ADCY2: variants seen among roughly 807,000 people sequenced by gnomAD.
ADCY2 encodes the protein adenylate cyclase type 2.
Under a neutral mutation model 125.2 loss-of-function variants are expected in ADCY2, and 31 were observed. The observed-to-expected ratio is 0.25, with a 90% CI of 0.19 to 0.33. ADCY2 has a LOEUF of 0.33. ADCY2 is among the 10% of genes least tolerant of loss of function. The pLI is 1.00. For synonymous variants in ADCY2, 512 were observed against 548.4 expected, an observed-to-expected ratio of 0.93 and a Z score of 0.93; for missense variants, 904 against 1,418.2, an observed-to-expected ratio of 0.64 and a Z score of 5.82.
intron 3 of ADCY2, among the ~76,000 whole-genome samples, chr5:7,579,604 T>G (rs1736362177): frequency 6.6e-6 from 1 of 152,204 alleles, no homozygotes; most frequent in African/African-American, 2.4e-5. Context: ...ATATGGAGTT[T>G]GACTCCTACT....
At chr5:7,646,355 C>G (rs977957792) in intron 4 of ADCY2, among the ~76,000 whole-genome samples, 1 of 150,794 alleles carries the variant, frequency 6.6e-6, no homozygotes, top group Non-Finnish European at 1.5e-5. Context: ...AGTACAAATA[C>G]ACATATTTAT....
intron 2 of ADCY2, among the ~76,000 whole-genome samples, chr5:7,446,603 A>G (rs1188018599): frequency 6.6e-6 from 1 of 152,150 alleles, no homozygotes; most frequent in Non-Finnish European, 1.5e-5. Context: ...TCTTTGGTAT[A>G]CAGAATAGAG....
At chr5:7,738,513 T>C (rs1393812449) in intron 14 of ADCY2, among the ~76,000 whole-genome samples, 2 of 151,758 alleles carry the variant, frequency 1.3e-5, no homozygotes, top group Non-Finnish European at 2.9e-5. Context: ...ACTATACAAA[T>C]AAAAGCAATG....
intron 2 of ADCY2, among the ~76,000 whole-genome samples, chr5:7,446,537 A>C (rs867236019): frequency 6.6e-4 from 99 of 150,838 alleles, no homozygotes; most frequent in African/African-American, 2.1e-3. Flanking sequence ...CTCTGAAATA[A>C]ATACATACAT....
intron 1 of ADCY2, among the ~76,000 whole-genome samples, chr5:7,411,804 G>A (rs953181918): frequency 1.3e-5 from 2 of 151,918 alleles, no homozygotes; most frequent in Admixed American, 6.6e-5. Flanking sequence ...GGCCGGGCGC[G>A]GTGGCTCACG....
chr5:7,761,801 T>C (rs1743226623), intron 16 of ADCY2, among the ~76,000 whole-genome samples: 1 of 152,224 alleles, frequency 6.6e-6, no homozygotes, highest in Non-Finnish European at 1.5e-5. Flanking sequence ...AGTCACTGTC[T>C]ATAAATGTTT....
At chr5:7,700,785 G>T (rs955027184) in intron 7 of ADCY2, among the ~76,000 whole-genome samples, 4 of 136,946 alleles carry the variant, frequency 2.9e-5, no homozygotes, top group African/African-American at 1.1e-4. Flanking sequence ...GGAGAGACCC[G>T]CATGTTCCAT....
chr5:7,809,999 A>G (rs1001180718), intron 22 of ADCY2, among the ~76,000 whole-genome samples: 1 of 152,214 alleles, frequency 6.6e-6, no homozygotes, highest in East Asian at 1.9e-4. Flanking sequence ...AGTGGTCGGT[A>G]GAAAATGAGA....
intron 12 of ADCY2, among the ~76,000 whole-genome samples, chr5:7,720,553 C>G (rs958411277): frequency 1.3e-5 from 2 of 151,872 alleles, no homozygotes; most frequent in African/African-American, 4.8e-5. Flanking sequence ...CCTCTCCCCC[C>G]ACCCCATGAC....
At chr5:7,780,836 A>G (rs1027993602) in intron 18 of ADCY2, among the ~76,000 whole-genome samples, 3 of 151,198 alleles carry the variant, frequency 2.0e-5, no homozygotes, top group Non-Finnish European at 4.5e-5. Flanking sequence ...CTGGTTCACT[A>G]AGCAATTCCT....
rs188292728 is a variant in ADCY2 at position 7,800,001 on chromosome 5, A to T, written c.2629-2217A>T. 5 of 152,370 alleles carry T rather than the reference A, an allele frequency of 3.3e-5. No homozygotes were observed. The East Asian group carries it at 9.7e-4, about 29-fold the overall frequency. 9.4% of individuals were successfully genotyped at this position (152,370 alleles called of 1,614,324 possible). On this transcript the variant is annotated intron_variant, in intron 20 of 24. Transcript: ENST00000338316. ...TGACAGGACCCGCAAGTGTCAGAGG[A>T]CCTGTGCTACCCCCAAACTGAGCAG...
chr5:7,828,014 AAAG>A lies in ADCY2; in HGVS notation c.*1148_*1150del, dbSNP rs1745543514. 6.5e-6 allele frequency: 1 copy of A among 152,822 alleles called. No homozygotes were observed. Among genetic ancestry groups the A allele is most frequent in the Non-Finnish European group, 1.5e-5 (1 of 68,048 alleles). 9.5% of individuals were successfully genotyped at this position (152,822 alleles called of 1,614,324 possible). ...ACTGCCTGTTAAGTCTGAGAAGGCTAAAGAAGACACACAGCCAACGTTCATGCA... is the reference window on the plus strand; with the variant it reads ...ACTGCCTGTTAAGTCTGAGAAGGCTAAAGACACACAGCCAACGTTCATGCA... On this transcript the variant is annotated 3_prime_UTR_variant, in exon 25 of 25. Transcript: ENST00000338316.
intron 2 of ADCY2, among the ~76,000 whole-genome samples, chr5:7,518,171 C>T (rs570059193): frequency 4.0e-4 from 61 of 152,270 alleles, no homozygotes; most frequent in Middle Eastern, 3.4e-3. Flanking sequence ...CAGTCAGATT[C>T]GTTGGAGACC....
intron 3 of ADCY2, among the ~76,000 whole-genome samples, chr5:7,531,235 T>C (rs1734629992): frequency 6.6e-6 from 1 of 152,142 alleles, no homozygotes. Flanking sequence ...AGTGTTTTGT[T>C]TCTTAGAGAA....
At chr5:7,504,617 C>CTTTTT (rs563915228) in intron 2 of ADCY2, among the ~76,000 whole-genome samples, 1 of 138,044 alleles carries the variant, frequency 7.2e-6, no homozygotes, top group Non-Finnish European at 1.6e-5. Flanking sequence ...TTTTTTCTTT[C>CTTTTT]TTTTTTTTTT....
intron 2 of ADCY2, among the ~76,000 whole-genome samples, chr5:7,489,138 G>A (rs747932633): frequency 5.9e-5 from 9 of 152,282 alleles, no homozygotes; most frequent in East Asian, 3.9e-4. Flanking sequence ...TGAAACATGC[G>A]TCTTGGGTGT....
chr5:7,521,010 C>T lies in ADCY2; in HGVS notation c.570+111C>T. ...GTGTAGTGTGGTACCTGCAGCTGTT[C>T]CCTTTCTGCCCCTTGAGACTGACCC... is the stretch of plus-strand genomic sequence containing the variant. On this transcript the variant is annotated intron_variant, in intron 3 of 24. Transcript: ENST00000338316. 7 of 1,292,592 alleles carry T rather than the reference C, an allele frequency of 5.4e-6. No individual in the cohort carries two copies. The South Asian group carries it at 9.5e-5, about 18-fold the overall frequency. 80.1% of individuals were successfully genotyped at this position (1,292,592 alleles called of 1,614,324 possible).
At chr5:7,632,005 A>T (rs1405005099) in intron 4 of ADCY2, among the ~76,000 whole-genome samples, 1 of 152,216 alleles carries the variant, frequency 6.6e-6, no homozygotes, top group African/African-American at 2.4e-5. Context: ...ACTTGAGGTG[A>T]GGCATCTCAA....
chr5:7,596,866 G>A (rs372600596), intron 3 of ADCY2, among the ~76,000 whole-genome samples: 8 of 152,266 alleles, frequency 5.3e-5, no homozygotes, highest in Admixed American at 2.0e-4. Flanking sequence ...TAGAGTAGTC[G>A]TTGTTTTAAA....
Sources: allele counts gnomAD v4.1 joint callset (sites outside exome capture counted in the v4.1 genomes callset), GRCh38; gene constraint gnomAD v4.1.1; transcripts MANE v1.5; gene names NCBI Gene and HGNC (gene_info 2026-07-23, HGNC 2026-07-21).